Variants in PEX5 observed in about 807,000 individuals in gnomAD.
The protein encoded by PEX5 is PTS1 receptor.
A neutral mutation model predicts 82.9 loss-of-function variants in PEX5; 52 were observed. The observed-to-expected ratio is 0.63, with a 90% CI of 0.50 to 0.79. The LOEUF is 0.79. Ranked by LOEUF, PEX5 falls within the 30% of genes least tolerant of loss-of-function variation. The pLI is 0.00. For synonymous variants in PEX5, 300 were observed against 318.8 expected (o/e 0.94, Z 0.63); for missense variants, 719 against 815.2 (o/e 0.88, Z 1.44).
At position 7,208,457 on chromosome 12, in the gene PEX5, G is replaced by T. The variant is rs199624284; in HGVS notation, c.1182G>T (p.Arg394Ser). 1.1e-5 allele frequency: 17 copies of T among 1,611,618 alleles called. No homozygotes were observed. In the South Asian group the frequency reaches 1.8e-4, roughly 17 times the overall value. Reference protein sequence around the residue: ...QELLAISALRRCLELKPDNQT... With the variant: ...QELLAISALRSCLELKPDNQT... ...AGTCTGCCCATCCCTGATCAAACAG[G>T]TGTCTGGAGCTAAAGCCAGATAACC... is the stretch of plus-strand genomic sequence containing the variant. Residue 394 changes from arginine to serine, a missense_variant and splice_region_variant, in exon 13 of 16, where the codon AGG (arginine) becomes AGT (serine). Coordinates refer to ENST00000675855, the MANE Select transcript of PEX5 (RefSeq NM_001351132.2).
chr12:7,191,670 T>G lies in PEX5; in HGVS notation c.418T>G (p.Trp140Gly), dbSNP rs1333556176. 1 of 1,613,894 alleles carries G rather than the reference T, an allele frequency of 6.2e-7. No homozygotes were observed. Residue 140 changes from tryptophan to glycine, a missense_variant, in exon 5 of 16, where the codon TGG (tryptophan) becomes GGG (glycine). Physicochemically the swap from Trp to Gly is radical, Grantham distance 184. Coordinates refer to ENST00000675855, the MANE Select transcript of PEX5 (RefSeq NM_001351132.2). The part of the protein sequence containing the change: ...DVTQDYNETD[W>G]SQEFISEVTD... Reference sequence around the variant, plus strand: ...AACTCAGGATTATAATGAGACTGACTGGTCCCAAGAATTCATCTCTGAAGT... The same window carrying G: ...AACTCAGGATTATAATGAGACTGACGGGTCCCAAGAATTCATCTCTGAAGT...
chr12:7,215,681 G>A (rs1056247377), downstream of PEX5, among the ~76,000 whole-genome samples: 8 of 152,282 alleles, frequency 5.3e-5, no homozygotes, highest in East Asian at 1.5e-3. Context: ...ATAAGTGACA[G>A]CTAAACATTT....
chr12:7,208,385 G>A (rs1591794847), intron 12 of PEX5, 72 bp from the exon 13 acceptor site: 1 of 1,133,422 alleles, frequency 8.8e-7, no homozygotes, highest in East Asian at 2.4e-5. Context: ...GCTTGGCTTG[G>A]ATCCCAGGGT....
At chr12:7,206,376 C>T (rs1335834872) in intron 10 of PEX5, among the ~76,000 whole-genome samples, 3 of 152,218 alleles carry the variant, frequency 2.0e-5, no homozygotes, top group East Asian at 3.8e-4. Context: ...TGGCTGCTTT[C>T]GCACTACAAC....
chr12:7,207,834 G>A lies in PEX5; in HGVS notation c.1110+32G>A, dbSNP rs778234565. 6.2e-7 allele frequency: 1 copy of A among 1,612,608 alleles called. No homozygotes were observed. The highest frequency in any genetic ancestry group is 8.5e-7 in the Non-Finnish European group (1 of 1,178,710). The stretch of plus-strand genomic sequence containing the variant: ...GACTCCATAGTCTCATTTCTGGCTA[G>A]AGACTGCTTCCTCCATCTTGAGAAA... On this transcript the variant is annotated intron_variant, in intron 11 of 15. Transcript: ENST00000675855.
chr12:7,191,431 A>C, intron 4 of PEX5, 73 bp downstream of exon 4: 1 of 1,606,858 alleles, frequency 6.2e-7, no homozygotes, highest in South Asian at 1.1e-5. Context: ...GTTCCATTGG[A>C]TGCTGCTGGC....
intron 5 of PEX5, among the ~76,000 whole-genome samples, chr12:7,192,908 C>A (rs955719415): frequency 6.6e-5 from 10 of 152,178 alleles, no homozygotes; most frequent in Admixed American, 2.6e-4. Context: ...TTAGGATGGG[C>A]TTCTCCGCAC....
At chr12:7,200,432 C>A (rs1055434632) in intron 6 of PEX5, among the ~76,000 whole-genome samples, 1 of 151,826 alleles carries the variant, frequency 6.6e-6, no homozygotes, top group Non-Finnish European at 1.5e-5. Flanking sequence ...AGGGGCTCCT[C>A]ACATCCCAGA....
At position 7,189,967 on chromosome 12, in the gene PEX5, C is replaced by G. The variant is rs1167236832; in HGVS notation, c.-17+217C>G. ...CTGCCGTGCTCACCGCGTGCTGGGG[C>G]TGCGCGGGGCTAGGTATGGTCGGGC... On this transcript the variant is annotated intron_variant, in intron 1 of 15. Transcript: ENST00000675855. 3 of 1,493,914 alleles carry G rather than the reference C, an allele frequency of 2.0e-6. No individual in the cohort carries two copies. In the East Asian group the frequency reaches 7.5e-5, roughly 37 times the overall value. The allele number at this position is 1,493,914 out of a possible 1,614,324, so 92.5% of individuals were successfully genotyped here. A position where few individuals can be genotyped will look rare whatever the true frequency, so the allele number is the denominator to read the frequency against.
chr12:7,207,576 C>G (rs1944967728), intron 10 of PEX5, 83 bp from the exon 11 acceptor site: 1 of 1,424,682 alleles, frequency 7.0e-7, no homozygotes, highest in African/African-American at 1.4e-5. Context: ...CTCAGCTTCT[C>G]TGCCTGCTGG....
downstream of PEX5, among the ~76,000 whole-genome samples, chr12:7,213,749 T>C (rs900787162): frequency 3.3e-4 from 50 of 149,858 alleles, no homozygotes. Context: ...ACTAAAGAGC[T>C]TCTGCACAGC....
downstream of PEX5, chr12:7,211,545 C>T (rs1203019542): frequency 2.4e-4 from 37 of 152,158 alleles, no homozygotes; most frequent in Admixed American, 1.3e-4. Flanking sequence ...GACTGGGATT[C>T]AACAGTTTCT....
downstream of PEX5, among the ~76,000 whole-genome samples, chr12:7,212,130 T>C (rs867454620): frequency 6.6e-6 from 1 of 151,982 alleles, no homozygotes; most frequent in South Asian, 2.1e-4. Flanking sequence ...CACGCCCAGC[T>C]AATTTTGTAT....
intron 11 of PEX5, 52 bp downstream of exon 11, chr12:7,207,854 G>A: frequency 1.2e-6 from 2 of 1,604,080 alleles, no homozygotes; most frequent in Non-Finnish European, 1.7e-6. Context: ...CCTCCATCTT[G>A]AGAAAGGCCC....
chr12:7,214,959 T>C (rs1235854167), downstream of PEX5, among the ~76,000 whole-genome samples: 2 of 152,170 alleles, frequency 1.3e-5, no homozygotes, highest in African/African-American at 2.4e-5. Flanking sequence ...AATACAATTA[T>C]TGTTGATAAC....
intron 6 of PEX5, 96 bp downstream of exon 6, chr12:7,199,209 CTTTTTTT>C (rs5796268): frequency 6.6e-5 from 26 of 396,784 alleles, no homozygotes; most frequent in Non-Finnish European, 9.1e-5. Flanking sequence ...TTACTTTATT[CTTTTTTT>C]TTTTTTTTTT....
intron 17 of PEX5, among the ~76,000 whole-genome samples, chr12:7,216,748 T>C (rs1041429736): frequency 6.6e-6 from 1 of 152,226 alleles, no homozygotes; most frequent in Non-Finnish European, 1.5e-5. Context: ...TTCTCTTTAG[T>C]CTTTACGTGA....
At position 7,208,999 on chromosome 12, in the gene PEX5, A is replaced by G; in HGVS notation, c.1395-6A>G. On this transcript the variant is annotated splice_polypyrimidine_tract_variant and splice_region_variant and intron_variant, in intron 13 of 15. Coordinates refer to ENST00000675855, the MANE Select transcript of PEX5 (RefSeq NM_001351132.2). ...CCTACTTTGTGTTTTTTTCCTTTTC[A>G]TCCAGCTCCCTGTTTCTTGAAGTGA... is the stretch of plus-strand genomic sequence containing the variant. 1 of 1,613,984 alleles carries G rather than the reference A, an allele frequency of 6.2e-7. No homozygotes were observed. Among genetic ancestry groups the G allele is most frequent in the Non-Finnish European group, 8.5e-7 (1 of 1,179,906 alleles).
At chr12:7,201,898 T>C in intron 7 of PEX5, 57 bp downstream of exon 7, 1 of 1,226,636 alleles carries the variant, frequency 8.2e-7, no homozygotes, top group Non-Finnish European at 1.2e-6. Context: ...AAGGCAAGAA[T>C]CTTGCTTTTC....
Sources: gnomAD v4.1 joint callset for allele counts (sites outside exome capture counted in the v4.1 genomes callset) on GRCh38, gnomAD v4.1.1 for gene constraint, MANE v1.5 for transcripts, NCBI Gene and HGNC (gene_info 2026-07-23, HGNC 2026-07-21) for gene names.